Variants in NWD2 observed in about 807,000 individuals in gnomAD.
NWD2 encodes the protein NACHT and WD repeat domain containing 2.
In NWD2, 37 loss-of-function variants were observed where a neutral mutation model predicts 132.7. The ratio of observed to expected loss-of-function variants is 0.28; its 90% CI spans 0.21 to 0.37. The LOEUF is 0.37. Ranked by LOEUF, NWD2 falls within the 10% of genes least tolerant of loss-of-function variation. The pLI, the probability that NWD2 is intolerant of heterozygous loss-of-function variation, is 1.00. For synonymous variants in NWD2, 705 were observed against 803.0 expected, an observed-to-expected ratio of 0.88 and a Z score of 2.06; for missense variants, 1,592 against 2,122.4, an observed-to-expected ratio of 0.75 and a Z score of 4.91.
At chr4:37,325,309 G>T (rs1284670357) in intron 1 of NWD2, among the ~76,000 whole-genome samples, 1 of 152,068 alleles carries the variant, frequency 6.6e-6, no homozygotes, top group African/African-American at 2.4e-5. Context: ...ATGTAAAATA[G>T]TTTCTATCTC....
At chr4:37,301,790 T>C (rs1380091514) in intron 1 of NWD2, among the ~76,000 whole-genome samples, 1 of 152,130 alleles carries the variant, frequency 6.6e-6, no homozygotes, top group African/African-American at 2.4e-5. Context: ...TTGTATGTGA[T>C]TCAGCTGGTT....
At chr4:37,249,357 G>T (rs984055264) in intron 1 of NWD2, among the ~76,000 whole-genome samples, 4 of 152,148 alleles carry the variant, frequency 2.6e-5, no homozygotes, top group African/African-American at 7.2e-5. Flanking sequence ...GACTTTTGTT[G>T]GAGAATATGG....
rs937511376 is a variant in NWD2 at position 37,439,117 on chromosome 4, A to G, written c.1023A>G (p.Gly341=). The change falls in exon 6 of 7, where the codon GGA becomes GGG. Residue 341 remains glycine (G), a synonymous_variant. Coordinates refer to ENST00000309447, the MANE Select transcript of NWD2 (RefSeq NM_001144990.2). This position sits in a 1 kb window ranked among gnomAD's most constrained non-coding sequence, Gnocchi z 4.5. ...AAATAGAAAATCATTACATCGAAGG[A>G]CTTGGTAAACAATTTTATGAGGACA... is the stretch of plus-strand genomic sequence containing the variant. The part of the protein sequence containing the change: ...SQEIENHYIE[G]LGKQFYEDMI... The G allele has an allele frequency of 5.2e-6, 8 of 1,551,700 alleles. No individual in the cohort carries two copies. In the African/African-American group the frequency reaches 1.1e-4, roughly 21 times the overall value.
chr4:37,335,293 G>A (rs1479769), intron 2 of NWD2, among the ~76,000 whole-genome samples: 22 of 62,686 alleles, frequency 3.5e-4, no homozygotes, highest in Non-Finnish European at 8.2e-4. Context: ...TCTGACTGGG[G>A]GGTGGGCGGG....
chr4:37,335,160 C>T (rs1450590222), intron 2 of NWD2, among the ~76,000 whole-genome samples: 2 of 152,046 alleles, frequency 1.3e-5, no homozygotes, highest in East Asian at 3.9e-4. Context: ...TTACCCCTGC[C>T]TACTCTCGAG....
rs1011783850 is a variant in NWD2, at chr4:37,388,124, C to T, written c.357+31642C>T. On this transcript the variant is annotated intron_variant, in intron 3 of 6. Transcript: ENST00000309447. The stretch of plus-strand genomic sequence containing the variant: ...TTAATAATTGTACCATATGGGCTTG[C>T]GATGAGGATTCACTTAGTTAATAGA... 2.6e-5 allele frequency among the ~76,000 whole-genome samples: 4 copies of T among 152,122 alleles called. No homozygotes were observed. In the East Asian group the frequency reaches 5.8e-4, roughly 22 times the overall value.
chr4:37,392,985 G>T (rs189043095), intron 3 of NWD2, among the ~76,000 whole-genome samples: 3 of 152,098 alleles, frequency 2.0e-5, no homozygotes, highest in African/African-American at 7.2e-5. Flanking sequence ...CCCAAATCTC[G>T]GTCTGACATA....
intron 3 of NWD2, among the ~76,000 whole-genome samples, chr4:37,393,267 TGAA>T (rs1408686515): frequency 6.6e-6 from 1 of 152,244 alleles, no homozygotes; most frequent in Non-Finnish European, 1.5e-5. Flanking sequence ...TTTCATGCTA[TGAA>T]TAATCATCAT....
intron 3 of NWD2, among the ~76,000 whole-genome samples, chr4:37,409,552 C>T (rs1011168260): frequency 4.6e-5 from 7 of 151,432 alleles, no homozygotes; most frequent in Non-Finnish European, 8.9e-5. Flanking sequence ...CTGAAAGTGA[C>T]GAGAAGGGAA....
chr4:37,345,847 G>A (rs528505558), intron 2 of NWD2, among the ~76,000 whole-genome samples: 7 of 152,224 alleles, frequency 4.6e-5, no homozygotes, highest in South Asian at 4.1e-4. Flanking sequence ...TTGGGAAGCC[G>A]AGGCAGGTGG....
intron 1 of NWD2, among the ~76,000 whole-genome samples, chr4:37,262,348 C>A (rs1262174574): frequency 1.3e-5 from 2 of 152,174 alleles, no homozygotes; most frequent in Non-Finnish European, 2.9e-5. Flanking sequence ...AATTTACATT[C>A]CCACCAACAG....
chr4:37,376,572 A>G (rs930208003), intron 3 of NWD2, among the ~76,000 whole-genome samples: 4 of 152,166 alleles, frequency 2.6e-5, no homozygotes, highest in Admixed American at 6.5e-5. Context: ...AAAGGCTGAC[A>G]TGGAAAGTTT....
chr4:37,393,116 T>G (rs1720711649), intron 3 of NWD2, among the ~76,000 whole-genome samples: 1 of 152,054 alleles, frequency 6.6e-6, no homozygotes, highest in African/African-American at 2.4e-5. Flanking sequence ...GAGCAGGCAG[T>G]GAGGCCAAGC....
At chr4:37,377,182 G>A (rs1470993630) in intron 3 of NWD2, among the ~76,000 whole-genome samples, 1 of 152,192 alleles carries the variant, frequency 6.6e-6, no homozygotes. Context: ...AGATGCAAGA[G>A]TAGGGACCAC....
chr4:37,263,895 T>G (rs1299586892), intron 1 of NWD2, among the ~76,000 whole-genome samples: 1 of 152,206 alleles, frequency 6.6e-6, no homozygotes, highest in Non-Finnish European at 1.5e-5. Context: ...TGCCTTTATT[T>G]CAGACCATTT....
chr4:37,440,261 C>A (rs1577703342), intron 6 of NWD2, among the ~76,000 whole-genome samples: 1 of 152,148 alleles, frequency 6.6e-6, no homozygotes, highest in East Asian at 2.0e-4. Flanking sequence ...TCCCAGCACA[C>A]TCCTTAGACA....
At chr4:37,370,714 G>A (rs116584507) in intron 3 of NWD2, among the ~76,000 whole-genome samples, 24 of 152,246 alleles carry the variant, frequency 1.6e-4, no homozygotes, top group African/African-American at 5.5e-4. Context: ...GATGAGATAC[G>A]CTTTTAAAGA....
At chr4:37,319,944 C>A (rs539799756) in intron 1 of NWD2, among the ~76,000 whole-genome samples, 1 of 152,156 alleles carries the variant, frequency 6.6e-6, no homozygotes, top group South Asian at 2.1e-4. Flanking sequence ...CTTAGGATTG[C>A]TTTGGCCATT....
intron 3 of NWD2, among the ~76,000 whole-genome samples, chr4:37,405,639 C>T (rs971836011): frequency 6.6e-5 from 10 of 152,142 alleles, no homozygotes; most frequent in African/African-American, 2.4e-4. Flanking sequence ...TGAACAGAGT[C>T]TTAATATAAA....
Sources: gnomAD v4.1 joint callset for allele counts (sites outside exome capture counted in the v4.1 genomes callset) on GRCh38, gnomAD v4.1.1 for gene constraint, Gnocchi (gnomAD v3.1) non-coding constraint, MANE v1.5 for transcripts, NCBI Gene and HGNC (gene_info 2026-07-23, HGNC 2026-07-21) for gene names.